ERC2: variants seen among roughly 807,000 people sequenced by gnomAD.
The protein encoded by ERC2 is ELKS/RAB6-interacting/CAST family member 2.
Under a neutral mutation model 114.8 loss-of-function variants are expected in ERC2, and 42 were observed. That is an observed-to-expected ratio of 0.37 (90% CI 0.29 to 0.47). ERC2 has a LOEUF of 0.47. Ranked by LOEUF, ERC2 falls within the 20% of genes least tolerant of loss-of-function variation. The pLI, the probability that ERC2 is intolerant of heterozygous loss-of-function variation, is 0.99. For synonymous variants in ERC2, 454 were observed against 425.5 expected, an observed-to-expected ratio of 1.07 and a Z score of -0.82; for missense variants, 939 against 1,150.7, an observed-to-expected ratio of 0.82 and a Z score of 2.66.
rs112496083 is a variant in ERC2, at chr3:56,262,406, T to A, written c.1074+33613A>T. ...GCTGAGCTTGGATAGTTAACAAAGA[T>A]GATGGCAGAAGAGGAACTGCAAAGT... On this transcript the variant is annotated intron_variant, in intron 3 of 17. Transcript: ENST00000288221. Among the ~76,000 whole-genome samples the A allele has an allele frequency of 9.1e-3, 1,393 of 152,284 alleles. 17 individuals carry two copies. The highest frequency in any genetic ancestry group is 0.031 in the African/African-American group (1,277 of 41,552).
At chr3:55,578,880 T>C (rs1487570279) in intron 17 of ERC2, among the ~76,000 whole-genome samples, 3 of 152,194 alleles carry the variant, frequency 2.0e-5, no homozygotes, top group African/African-American at 4.8e-5. Context: ...GCCTCTCATC[T>C]ACCAGCAGGC....
intron 17 of ERC2, among the ~76,000 whole-genome samples, chr3:55,601,737 G>T (rs576473752): frequency 6.6e-6 from 1 of 152,316 alleles, no homozygotes; most frequent in South Asian, 2.1e-4. Context: ...TGAGGCAAGA[G>T]AATCCCTTGA....
At chr3:56,271,016 C>T (rs2053624555) in intron 3 of ERC2, among the ~76,000 whole-genome samples, 1 of 152,114 alleles carries the variant, frequency 6.6e-6, no homozygotes, top group Admixed American at 6.5e-5. Flanking sequence ...CAAAAAAAAC[C>T]AGCCTTGTAC....
chr3:55,653,772 T>C (rs1227080450), intron 17 of ERC2, among the ~76,000 whole-genome samples: 4 of 152,230 alleles, frequency 2.6e-5, no homozygotes, highest in Admixed American at 2.6e-4. Flanking sequence ...TTAAAAGTGT[T>C]CCCAGCCAGC....
chr3:55,940,619 T>C (rs1379958046), intron 13 of ERC2, among the ~76,000 whole-genome samples: 1 of 152,208 alleles, frequency 6.6e-6, no homozygotes, highest in African/African-American at 2.4e-5. Context: ...GAAGAAAAGA[T>C]CTTGAGATAT....
chr3:55,832,384 CGGCCG>C (rs1559730033), intron 14 of ERC2, among the ~76,000 whole-genome samples: 4 of 152,200 alleles, frequency 2.6e-5, no homozygotes, highest in Non-Finnish European at 5.9e-5. Flanking sequence ...ACACTTCACA[CGGCCG>C]GGTACTCCTC....
At chr3:56,133,053 T>C (rs1464884643) in intron 6 of ERC2, among the ~76,000 whole-genome samples, 1 of 152,212 alleles carries the variant, frequency 6.6e-6, no homozygotes, top group Non-Finnish European at 1.5e-5. Context: ...TTCTTAGCCA[T>C]GTCAGAGTTA....
intron 4 of ERC2, among the ~76,000 whole-genome samples, chr3:56,166,325 T>A (rs1282450318): frequency 1.3e-5 from 2 of 152,068 alleles, no homozygotes; most frequent in South Asian, 4.1e-4. Context: ...TTGCTTGTAA[T>A]TTTCCTTTTT....
chr3:56,153,603 A>G (rs1375984634), intron 4 of ERC2, among the ~76,000 whole-genome samples: 1 of 152,192 alleles, frequency 6.6e-6, no homozygotes, highest in African/African-American at 2.4e-5. Flanking sequence ...TTTCTGGAGT[A>G]TCTTTGCTAG....
At chr3:56,433,343 G>A (rs1460904790) in intron 2 of ERC2, among the ~76,000 whole-genome samples, 1 of 152,178 alleles carries the variant, frequency 6.6e-6, no homozygotes, top group Non-Finnish European at 1.5e-5. Flanking sequence ...ATATAAAACA[G>A]GCCTCACAGA....
chr3:55,643,923 G>A (rs2060291119), intron 17 of ERC2, among the ~76,000 whole-genome samples: 2 of 152,114 alleles, frequency 1.3e-5, no homozygotes, highest in Non-Finnish European at 2.9e-5. Flanking sequence ...AAAAAATAAT[G>A]AAAACCAAAC....
At chr3:55,706,516 C>G (rs2063498867) in intron 15 of ERC2, among the ~76,000 whole-genome samples, 1 of 152,098 alleles carries the variant, frequency 6.6e-6, no homozygotes, top group African/African-American at 2.4e-5. Context: ...CCCACCTCAG[C>G]CTCCAGAGTA....
intron 14 of ERC2, among the ~76,000 whole-genome samples, chr3:55,853,821 A>T (rs1401383379): frequency 6.6e-6 from 1 of 152,186 alleles, no homozygotes; most frequent in African/African-American, 2.4e-5. Flanking sequence ...CATGAAAAGA[A>T]TTACAGAAGT....
At chr3:55,886,147 G>A (rs2063339040) in intron 14 of ERC2, among the ~76,000 whole-genome samples, 1 of 152,156 alleles carries the variant, frequency 6.6e-6, no homozygotes, top group Non-Finnish European at 1.5e-5. Context: ...CGAGAGACAG[G>A]TGAACAGGAA....
At chr3:55,851,946 G>A (rs936023877) in intron 14 of ERC2, among the ~76,000 whole-genome samples, 1 of 152,206 alleles carries the variant, frequency 6.6e-6, no homozygotes, top group Admixed American at 6.5e-5. Context: ...AAACAGGCCG[G>A]GTACAGCGGC....
At chr3:55,698,938 T>A (rs1231501854) in intron 16 of ERC2, among the ~76,000 whole-genome samples, 1 of 152,296 alleles carries the variant, frequency 6.6e-6, no homozygotes, top group African/African-American at 2.4e-5. Context: ...CAAAACGGAT[T>A]TCTCTCCTTG....
chr3:55,884,235 G>A (rs1159286777), intron 14 of ERC2, among the ~76,000 whole-genome samples: 1 of 152,134 alleles, frequency 6.6e-6, no homozygotes, highest in Non-Finnish European at 1.5e-5. Context: ...CTATATGACA[G>A]TATATTGAGT....
intron 4 of ERC2, 97 bp downstream of exon 4, chr3:56,173,349 A>G: frequency 8.1e-7 from 1 of 1,233,084 alleles, no homozygotes; most frequent in Non-Finnish European, 1.2e-6. Flanking sequence ...TGCCTAGAGA[A>G]AAACACAAGG....
chr3:56,263,047 T>C (rs1327470921), intron 3 of ERC2, among the ~76,000 whole-genome samples: 1 of 152,192 alleles, frequency 6.6e-6, no homozygotes, highest in Admixed American at 6.5e-5. Flanking sequence ...CCCATTTCCA[T>C]TCATCTTACT....
Sources: allele counts gnomAD v4.1 joint callset (sites outside exome capture counted in the v4.1 genomes callset), GRCh38; gene constraint gnomAD v4.1.1; transcripts MANE v1.5; gene names NCBI Gene and HGNC (gene_info 2026-07-23, HGNC 2026-07-21).